Variants in CDIN1 observed in about 807,000 individuals in gnomAD.
CDIN1 encodes the protein CDAN1-interacting nuclease 1.
CDIN1 carries 33 observed loss-of-function variants against 45.3 expected under a neutral mutation model. That is an observed-to-expected ratio of 0.73 (90% CI 0.55 to 0.97). The LOEUF (loss-of-function observed/expected upper bound fraction) is 0.97, where lower values mean the gene tolerates loss of function less well. Ranked by LOEUF, CDIN1 falls within the 50% of genes least tolerant of loss-of-function variation. The pLI, the probability that CDIN1 is intolerant of heterozygous loss-of-function variation, is 0.00. For synonymous variants in CDIN1, 118 were observed against 124.4 expected (o/e 0.95, Z 0.34); for missense variants, 303 against 339.4 (o/e 0.89, Z 0.84).
At chr15:36,660,280 A>G (rs1273145364) in intron 5 of CDIN1, among the ~76,000 whole-genome samples, 1 of 152,080 alleles carries the variant, frequency 6.6e-6, no homozygotes, top group African/African-American at 2.4e-5. Context: ...GGAGATCAAT[A>G]GAATTCTATA....
chr15:36,624,553 A>T (rs955723295), intron 1 of CDIN1, among the ~76,000 whole-genome samples: 5 of 152,244 alleles, frequency 3.3e-5, no homozygotes, highest in Admixed American at 3.3e-4. Context: ...CAAGGAAAAC[A>T]TGTCATCTAC....
At chr15:36,675,813 C>G (rs926592523) in intron 5 of CDIN1, among the ~76,000 whole-genome samples, 20 of 152,268 alleles carry the variant, frequency 1.3e-4, no homozygotes, top group African/African-American at 4.6e-4. Context: ...TTCTTGAAAA[C>G]TCAAGAGAAT....
intron 1 of CDIN1, chr15:36,618,273 G>A (rs2038991479): frequency 9.0e-6 from 6 of 664,920 alleles, no homozygotes; most frequent in South Asian, 7.1e-5. Flanking sequence ...TATCATTGGG[G>A]GATGGACAAT....
intron 10 of CDIN1, among the ~76,000 whole-genome samples, chr15:36,763,611 A>G (rs968872164): frequency 6.6e-6 from 1 of 152,088 alleles, no homozygotes; most frequent in African/African-American, 2.4e-5. Context: ...GTACCCCGCC[A>G]TGTTGTGGTG....
chr15:36,736,753 G>A (rs564699306), intron 10 of CDIN1, among the ~76,000 whole-genome samples: 15 of 152,242 alleles, frequency 9.9e-5, no homozygotes, highest in African/African-American at 3.6e-4. Context: ...CTTGAAGTAC[G>A]TTTAAGGTCT....
In CDIN1 at chr15:36,600,968, G is replaced by A. The variant is rs115102377; in HGVS notation, c.101+21007G>A. The stretch of plus-strand genomic sequence containing the variant: ...CTAAGTTAGTGATTGACTTTTATTC[G>A]TGAGTGAGAGTAAATTTGTTTCATG... On this transcript the variant is annotated intron_variant, in intron 1 of 10. Transcript: ENST00000566621. 4.4e-3 allele frequency among the ~76,000 whole-genome samples: 668 copies of A among 151,914 alleles called. 2 individuals are homozygous for A. The highest frequency in any genetic ancestry group is 0.015 in the African/African-American group (612 of 41,430).
intron 10 of CDIN1, among the ~76,000 whole-genome samples, chr15:36,796,050 C>G (rs946619030): frequency 6.6e-6 from 1 of 152,066 alleles, no homozygotes; most frequent in Non-Finnish European, 1.5e-5. Flanking sequence ...CTTGTATTGC[C>G]TTTGGTTAGT....
intron 4 of CDIN1, among the ~76,000 whole-genome samples, 189 bp downstream of exon 4, chr15:36,654,347 CAGTTGACATAATT>C (rs1321860335): frequency 6.6e-6 from 1 of 152,060 alleles, no homozygotes; most frequent in African/African-American, 2.4e-5. Flanking sequence ...ATTAATAAAT[CAGTTGACATAATT>C]AGTCTACTTC....
At chr15:36,662,115 C>T (rs971330341) in intron 5 of CDIN1, among the ~76,000 whole-genome samples, 3 of 152,080 alleles carry the variant, frequency 2.0e-5, no homozygotes, top group East Asian at 3.9e-4. Context: ...TTGCTTATGT[C>T]CTGGAGATTT....
At chr15:36,764,593 C>G (rs2053862353) in intron 10 of CDIN1, among the ~76,000 whole-genome samples, 1 of 152,200 alleles carries the variant, frequency 6.6e-6, no homozygotes, top group Admixed American at 6.5e-5. Flanking sequence ...GCATCCAGAA[C>G]AAGCTTTTTC....
rs2040082728 is a variant in CDIN1, at chr15:36,641,014, A to G, written c.102-3264A>G. Among the ~76,000 whole-genome samples, 4 of 152,362 alleles carry G rather than the reference A, an allele frequency of 2.6e-5. No homozygotes were observed. The South Asian group carries it at 6.2e-4, about 24-fold the overall frequency. ...CACGTCAATTTAGTGAGTCAGGCAC[A>G]GACAGAGGAAAAATTTTAGGGAAGC... On this transcript the variant is annotated intron_variant, in intron 1 of 10. Transcript: ENST00000566621.
intron 8 of CDIN1, among the ~76,000 whole-genome samples, chr15:36,698,443 C>T (rs918041776): frequency 3.3e-5 from 5 of 152,128 alleles, no homozygotes; most frequent in African/African-American, 1.2e-4. Flanking sequence ...TATGTAGAAG[C>T]AGCAAGGTTT....
chr15:36,734,534 C>T (rs1054921484), intron 10 of CDIN1, among the ~76,000 whole-genome samples: 2 of 152,020 alleles, frequency 1.3e-5, no homozygotes, highest in African/African-American at 4.8e-5. Flanking sequence ...TTATAAATAA[C>T]CCAAGTTTGT....
intron 10 of CDIN1, among the ~76,000 whole-genome samples, chr15:36,794,663 G>C (rs1395010846): frequency 1.3e-5 from 2 of 152,068 alleles, no homozygotes; most frequent in Non-Finnish European, 2.9e-5. Flanking sequence ...ATATTCCATT[G>C]TACATGTATA....
At chr15:36,769,026 A>G (rs1208922027) in intron 10 of CDIN1, among the ~76,000 whole-genome samples, 10 of 151,372 alleles carry the variant, frequency 6.6e-5, no homozygotes, top group Non-Finnish European at 1.5e-4. Flanking sequence ...GAGATAAGAG[A>G]TTATATTCAA....
chr15:36,664,836 G>A (rs371210815), intron 5 of CDIN1, among the ~76,000 whole-genome samples: 18 of 152,222 alleles, frequency 1.2e-4, no homozygotes, highest in East Asian at 7.7e-4. Flanking sequence ...CTGAGCCACC[G>A]CGCCCAGCCT....
intron 10 of CDIN1, among the ~76,000 whole-genome samples, chr15:36,748,125 CTCTT>C (rs1207370001): frequency 2.0e-5 from 3 of 152,178 alleles, no homozygotes; most frequent in South Asian, 4.1e-4. Context: ...CAATTTCTCT[CTCTT>C]TTCTTACTCA....
At chr15:36,776,231 A>G (rs1359794000) in intron 10 of CDIN1, among the ~76,000 whole-genome samples, 1 of 152,236 alleles carries the variant, frequency 6.6e-6, no homozygotes, top group Non-Finnish European at 1.5e-5. Context: ...CTTACCTCAC[A>G]GATTTAGGAT....
intron 5 of CDIN1, among the ~76,000 whole-genome samples, chr15:36,690,268 T>A (rs1028944943): frequency 6.6e-6 from 1 of 151,966 alleles, no homozygotes; most frequent in Admixed American, 6.6e-5. Context: ...TTTACTAACA[T>A]TTTTTTCTTT....
Sources: allele counts gnomAD v4.1 joint callset (sites outside exome capture counted in the v4.1 genomes callset), GRCh38; gene constraint gnomAD v4.1.1; transcripts MANE v1.5; gene names NCBI Gene and HGNC (gene_info 2026-07-23, HGNC 2026-07-21).